KPNA1: variants seen among roughly 807,000 people sequenced by gnomAD.
KPNA1 encodes karyopherin subunit alpha 1, also known as importin subunit alpha-5.
KPNA1 carries 10 observed loss-of-function variants against 70.5 expected under a neutral mutation model. The observed-to-expected ratio is 0.14, with a 90% CI of 0.09 to 0.24. KPNA1 has a LOEUF of 0.24. Among genes scored for constraint, KPNA1 ranks in the 10% least tolerant of loss-of-function variants. The pLI is 1.00. For missense variants in KPNA1, 397 were observed against 637.9 expected (o/e 0.62, Z 4.07); for synonymous variants, 192 against 221.9 (o/e 0.87, Z 1.20).
Position 122,500,660 on chromosome 3 carries a change from T to A in KPNA1, c.-5-4090A>T, listed in dbSNP as rs1448396807. ...TACAGGTGCATGCCCAGATTATTAT[T>A]ATATATTGGGCTGGGGGGCTAGGGG... On this transcript the variant is annotated intron_variant, in intron 1 of 13. Transcript: ENST00000344337. Among the ~76,000 whole-genome samples, 5 of 151,642 alleles carry A rather than the reference T, an allele frequency of 3.3e-5. No individual in the cohort carries two copies. The East Asian group carries it at 9.7e-4, about 30-fold the overall frequency.
At chr3:122,499,141 T>G (rs56131302) in intron 1 of KPNA1, among the ~76,000 whole-genome samples, 56,714 of 151,580 alleles carry the variant, frequency 0.37, 10,947 homozygotes, top group East Asian at 0.54. Flanking sequence ...TCGTCTACAA[T>G]ATAGCTTTAC....
chr3:122,430,817 A>G (rs1353318338), intron 12 of KPNA1, among the ~76,000 whole-genome samples: 3 of 152,166 alleles, frequency 2.0e-5, no homozygotes, highest in African/African-American at 7.2e-5. Flanking sequence ...CACAGGCCTT[A>G]CTTTGTGTCA....
At chr3:122,467,105 CTTG>C (rs144224961) in intron 3 of KPNA1, among the ~76,000 whole-genome samples, 31,050 of 151,804 alleles carry the variant, frequency 0.2, 3,457 homozygotes, top group Middle Eastern at 0.31. Context: ...TTATAATTAG[CTTG>C]TTAAGTTTTT....
intron 7 of KPNA1, 131 bp from the exon 8 acceptor site, chr3:122,451,764 AT>A: frequency 1.4e-6 from 1 of 708,952 alleles, no homozygotes; most frequent in African/African-American, 1.8e-5. Flanking sequence ...TTAAAACTTC[AT>A]TAATTCTGAT....
intron 9 of KPNA1, among the ~76,000 whole-genome samples, chr3:122,446,958 A>G (rs1401468137): frequency 1.3e-5 from 2 of 152,216 alleles, no homozygotes; most frequent in African/African-American, 4.8e-5. Flanking sequence ...CACCCTCCCA[A>G]GACTAAACCA....
chr3:122,433,911 GAA>G (rs1415063166), intron 11 of KPNA1, 123 bp from the exon 12 acceptor site: 24 of 748,376 alleles, frequency 3.2e-5, no homozygotes, highest in African/African-American at 2.5e-4. Context: ...GAAATAAATT[GAA>G]AAGAGTTATG....
intron 10 of KPNA1, among the ~76,000 whole-genome samples, chr3:122,440,036 T>A (rs2076042457): frequency 1.3e-5 from 2 of 152,140 alleles, no homozygotes; most frequent in Admixed American, 6.5e-5. Flanking sequence ...GACTGAAACT[T>A]GAGATAGGTC....
intron 5 of KPNA1, chr3:122,459,548 T>C (rs575124880): frequency 1.0e-6 from 1 of 985,488 alleles, no homozygotes; most frequent in Non-Finnish European, 1.2e-6. Context: ...TTCTCTGCAG[T>C]GTTGGTTGTC....
intron 12 of KPNA1, among the ~76,000 whole-genome samples, chr3:122,430,936 C>G (rs570639404): frequency 9.2e-5 from 14 of 152,248 alleles, no homozygotes; most frequent in African/African-American, 3.4e-4. Context: ...CGACCTATAG[C>G]AAGACTGACC....
intron 1 of KPNA1, among the ~76,000 whole-genome samples, chr3:122,513,031 T>C (rs562265660): frequency 2.6e-5 from 4 of 152,172 alleles, no homozygotes; most frequent in Admixed American, 2.6e-4. Context: ...CGCGACTATA[T>C]CCCCCCAAGT....
intron 10 of KPNA1, among the ~76,000 whole-genome samples, chr3:122,439,417 T>G (rs1207974710): frequency 6.6e-6 from 1 of 152,104 alleles, no homozygotes; most frequent in Non-Finnish European, 1.5e-5. Flanking sequence ...TTGGAACTCC[T>G]GGGCTCAGGC....
At chr3:122,505,740 C>G (rs1339035038) in intron 1 of KPNA1, among the ~76,000 whole-genome samples, 1 of 152,176 alleles carries the variant, frequency 6.6e-6, no homozygotes, top group Non-Finnish European at 1.5e-5. Context: ...TCCTTCATGT[C>G]TAGTTACTCA....
intron 12 of KPNA1, among the ~76,000 whole-genome samples, chr3:122,430,229 G>A (rs906505581): frequency 3.0e-4 from 45 of 151,732 alleles, no homozygotes; most frequent in East Asian, 7.8e-4. Context: ...CATCATTCAC[G>A]GATTCACCAA....
rs780505183 is a variant in KPNA1, at chr3:122,467,316, T to G, written c.237+6A>C. The G allele has an allele frequency of 7.0e-7, 1 of 1,433,206 alleles. No homozygotes were observed. Among genetic ancestry groups the G allele is most frequent in the Non-Finnish European group, 9.8e-7 (1 of 1,021,612 alleles). The allele number at this position is 1,433,206 out of a possible 1,614,324, so 88.8% of individuals were successfully genotyped here. A position where few individuals can be genotyped will look rare whatever the true frequency, so the allele number is the denominator to read the frequency against. On this transcript the variant is annotated splice_donor_region_variant and intron_variant, in intron 3 of 13. Coordinates refer to ENST00000344337, the MANE Select transcript of KPNA1 (RefSeq NM_002264.4). Reference sequence around the variant, plus strand: ...CAAAAACACTGAAAAGAGTTCATTATCTTACTGGTGCCATCTCCATGTTAC... The same window carrying G: ...CAAAAACACTGAAAAGAGTTCATTAGCTTACTGGTGCCATCTCCATGTTAC...
At chr3:122,459,037 A>G (rs2076294367) in intron 5 of KPNA1, among the ~76,000 whole-genome samples, 2 of 152,242 alleles carry the variant, frequency 1.3e-5, no homozygotes, top group South Asian at 4.1e-4. Flanking sequence ...CCTAATTATT[A>G]GTTTGCACAA....
chr3:122,461,668 A>G (rs550022974), intron 4 of KPNA1, among the ~76,000 whole-genome samples: 14 of 152,336 alleles, frequency 9.2e-5, no homozygotes, highest in African/African-American at 3.1e-4. Flanking sequence ...TTTCCTGTAC[A>G]TGAGTTTTAA....
At chr3:122,489,097 G>T (rs1020229164) in intron 2 of KPNA1, among the ~76,000 whole-genome samples, 3 of 147,182 alleles carry the variant, frequency 2.0e-5, no homozygotes, top group Middle Eastern at 6.8e-3. Flanking sequence ...AGGGCAGGGC[G>T]GGGGTGGGTT....
At chr3:122,456,622 A>G (rs968190192) in intron 5 of KPNA1, among the ~76,000 whole-genome samples, 11 of 152,226 alleles carry the variant, frequency 7.2e-5, no homozygotes. Flanking sequence ...TAGAGAAGCA[A>G]AACAATTCAA....
At chr3:122,505,018 T>C (rs2076874730) in intron 1 of KPNA1, among the ~76,000 whole-genome samples, 1 of 151,948 alleles carries the variant, frequency 6.6e-6, no homozygotes, top group Non-Finnish European at 1.5e-5. Flanking sequence ...GATCCCCAAG[T>C]GGGCCAGGCA....
Sources: gnomAD v4.1 joint callset for allele counts (sites outside exome capture counted in the v4.1 genomes callset) on GRCh38, gnomAD v4.1.1 for gene constraint, MANE v1.5 for transcripts, NCBI Gene and HGNC (gene_info 2026-07-23, HGNC 2026-07-21) for gene names.